The following QTGAL variants were observed in gnomAD, a reference collection of about 807,000 sequenced individuals.
The protein encoded by QTGAL is queuosine-tRNA galactosyltransferase, also known as BGnT-like protein 1.
chr17:83,035,848 TAG>T, the QTGAL span, among the ~76,000 whole-genome samples: 2 of 145,596 alleles, frequency 1.4e-5, no homozygotes, highest in Admixed American at 1.4e-4. Context: ...GTCACTGAGG[TAG>T]ACCCTCGGAG....
At chr17:83,031,737 G>A in the QTGAL span, among the ~76,000 whole-genome samples, 1 of 152,370 alleles carries the variant, frequency 6.6e-6, no homozygotes, top group South Asian at 2.1e-4. Flanking sequence ...GGAGGATGGA[G>A]ATGCTTCATG....
chr17:83,049,489 T>C, the QTGAL span, among the ~76,000 whole-genome samples: 1 of 146,680 alleles, frequency 6.8e-6, no homozygotes, highest in African/African-American at 2.5e-5. Flanking sequence ...CTCGGCTCAC[T>C]GCAAGCTCTG....
At chr17:82,946,889 C>A in the QTGAL span, 3 of 1,556,648 alleles carry the variant, frequency 1.9e-6, no homozygotes, top group Middle Eastern at 5.0e-4. Flanking sequence ...CTGGGAGCAG[C>A]TGCCATGGGT....
chr17:83,036,086 G>A, the QTGAL span, among the ~76,000 whole-genome samples: 4,943 of 152,270 alleles, frequency 0.032, 281 homozygotes, highest in African/African-American at 0.11. Flanking sequence ...GATACTGTGC[G>A]GCGTAAACCC....
At chr17:82,962,866 T>C in the QTGAL span, among the ~76,000 whole-genome samples, 15 of 151,438 alleles carry the variant, frequency 9.9e-5, no homozygotes, top group Non-Finnish European at 1.3e-4. Flanking sequence ...GTGGTGCCTC[T>C]GCCCTGGGAG....
the QTGAL span, chr17:82,945,388 GTC>G: frequency 7.9e-5 from 12 of 152,210 alleles, no homozygotes; most frequent in Non-Finnish European, 1.5e-5. Context: ...AAGCCTAACA[GTC>G]TCACATTTAG....
the QTGAL span, among the ~76,000 whole-genome samples, chr17:82,982,926 T>C: frequency 6.6e-6 from 1 of 152,030 alleles, no homozygotes; most frequent in Non-Finnish European, 1.5e-5. Context: ...ATATAAGATG[T>C]TAGCAGCTGG....
At chr17:83,021,397 A>G in the QTGAL span, among the ~76,000 whole-genome samples, 1 of 152,314 alleles carries the variant, frequency 6.6e-6, no homozygotes, top group South Asian at 2.1e-4. Context: ...TAAAACTTGG[A>G]AATGAATTGT....
chr17:82,990,851 C>G, the QTGAL span, among the ~76,000 whole-genome samples: 1 of 146,914 alleles, frequency 6.8e-6, no homozygotes, highest in African/African-American at 2.5e-5. Context: ...ACAGAGCCTG[C>G]TCTCTCTCCC....
the QTGAL span, among the ~76,000 whole-genome samples, chr17:82,968,972 GA>G: frequency 6.6e-6 from 1 of 151,758 alleles, no homozygotes; most frequent in Non-Finnish European, 1.5e-5. Context: ...CATCTCTACT[GA>G]AAATATAAAA....
At chr17:83,024,930 A>G in the QTGAL span, among the ~76,000 whole-genome samples, 3 of 152,236 alleles carry the variant, frequency 2.0e-5, no homozygotes, top group Non-Finnish European at 4.4e-5. Context: ...CCAGGATCAA[A>G]GCAGCCGGCA....
chr17:82,952,748 ATTC>A, the QTGAL span, among the ~76,000 whole-genome samples: 1 of 152,246 alleles, frequency 6.6e-6, no homozygotes, highest in East Asian at 1.9e-4. Context: ...CAGAATATAC[ATTC>A]TTCTCAGCAC....
the QTGAL span, among the ~76,000 whole-genome samples, chr17:83,048,269 CCG>C: frequency 6.6e-6 from 1 of 152,196 alleles, no homozygotes; most frequent in African/African-American, 2.4e-5. Flanking sequence ...CTCAAAGGAT[CCG>C]CCTGCCTTGG....
chr17:83,046,246 C>T, the QTGAL span, among the ~76,000 whole-genome samples: 1 of 152,182 alleles, frequency 6.6e-6, no homozygotes, highest in Non-Finnish European at 1.5e-5. Context: ...TCTCCTGCCT[C>T]AGCCTCCCAA....
At chr17:82,989,188 C>T in the QTGAL span, among the ~76,000 whole-genome samples, 1 of 152,160 alleles carries the variant, frequency 6.6e-6, no homozygotes, top group African/African-American at 2.4e-5. Context: ...AGATCATGTA[C>T]TTTGCAGGGA....
chr17:82,959,836 T>C, the QTGAL span, among the ~76,000 whole-genome samples: 689 of 152,046 alleles, frequency 4.5e-3, 9 homozygotes, highest in African/African-American at 0.014. Context: ...GAAGGTAAAA[T>C]GTAGAAGCAG....
the QTGAL span, among the ~76,000 whole-genome samples, chr17:82,953,841 C>T: frequency 6.6e-6 from 1 of 152,290 alleles, no homozygotes; most frequent in Non-Finnish European, 1.5e-5. Flanking sequence ...AAGGCTGGTT[C>T]AATATACGCA....
At chr17:82,967,822 C>A in the QTGAL span, among the ~76,000 whole-genome samples, 1 of 151,928 alleles carries the variant, frequency 6.6e-6, no homozygotes, top group Non-Finnish European at 1.5e-5. Flanking sequence ...GTAGGCCCAG[C>A]TACTCAGGAG....
the QTGAL span, among the ~76,000 whole-genome samples, chr17:82,972,235 T>C: frequency 3.9e-3 from 25 of 6,336 alleles, no homozygotes; most frequent in East Asian, 0.018. Context: ...CACACCACAC[T>C]CATAGGGGCC....
Sources: gnomAD v4.1 joint callset for allele counts (sites outside exome capture counted in the v4.1 genomes callset) on GRCh38, gnomAD v4.1.1 for gene constraint, MANE v1.5 for transcripts, NCBI Gene and HGNC (gene_info 2026-07-23, HGNC 2026-07-21) for gene names.